Variants in TSBP1 observed in about 807,000 individuals in gnomAD.
The protein encoded by TSBP1 is testis-expressed basic protein 1.
Under a neutral mutation model 68.8 loss-of-function variants are expected in TSBP1, and 56 were observed. The ratio of observed to expected loss-of-function variants is 0.81; its 90% CI spans 0.66 to 1.02. The LOEUF (loss-of-function observed/expected upper bound fraction) is 1.02. Among genes scored for constraint, TSBP1 ranks in the 50% least tolerant of loss-of-function variants. TSBP1 has a pLI of 0.00. For synonymous variants in TSBP1, 171 were observed against 208.7 expected, an observed-to-expected ratio of 0.82 and a Z score of 1.56; for missense variants, 502 against 641.2, an observed-to-expected ratio of 0.78 and a Z score of 2.34.
rs1019968829 is a variant in TSBP1, at chr6:32,368,657, G to A, written c.133+125C>T. 5.0e-6 allele frequency: 5 copies of A among 1,008,156 alleles called. No individual in the cohort carries two copies. In the African/African-American group the frequency reaches 6.3e-5, roughly 13 times the overall value. 62.5% of individuals were successfully genotyped at this position (1,008,156 alleles called of 1,614,324 possible). On this transcript the variant is annotated intron_variant, in intron 3 of 22. Coordinates refer to ENST00000612031, the Ensembl canonical transcript of TSBP1. ...CTCCCACTCACTTAGAAGCAGTTCA[G>A]TTCATGCAATGGTGCACTATGCAAG...
At chr6:32,353,460 C>T (rs1385822937) in intron 8 of TSBP1, among the ~76,000 whole-genome samples, 1 of 151,864 alleles carries the variant, frequency 6.6e-6, no homozygotes, top group Non-Finnish European at 1.5e-5. Context: ...GAATAGTAGG[C>T]AACCATGTTA....
At chr6:32,324,612 G>GCCCA (rs3038472) in intron 16 of TSBP1, 11 of 1,090,338 alleles carry the variant, frequency 1.0e-5, no homozygotes. Flanking sequence ...CTCCACTAGA[G>GCCCA]ACCGAGTCCT....
At position 32,325,146 on chromosome 6, in the gene TSBP1, A is replaced by C; in HGVS notation, c.515-1532T>G. Reference sequence around the variant, plus strand: ...GTGAATGTTCTAGAAACTTATTAATAATTTATTTATGCCTTTCTGCCCATG... The same window carrying C: ...GTGAATGTTCTAGAAACTTATTAATCATTTATTTATGCCTTTCTGCCCATG... On this transcript the variant is annotated intron_variant, in intron 16 of 22. Coordinates refer to ENST00000612031, the Ensembl canonical transcript of TSBP1. The surrounding 1 kb of genome is among the most constrained non-coding windows in gnomAD (Gnocchi z 4.4). 1 of 486,788 alleles carries C rather than the reference A, an allele frequency of 2.1e-6. No individual in the cohort carries two copies. Among genetic ancestry groups the C allele is most frequent in the South Asian group, 4.8e-5 (1 of 20,936 alleles). The allele number at this position is 486,788 out of a possible 1,614,324, so 30.2% of individuals were successfully genotyped here.
chr6:32,351,293 G>C (rs1359634260), intron 8 of TSBP1, among the ~76,000 whole-genome samples: 1 of 152,092 alleles, frequency 6.6e-6, no homozygotes, highest in African/African-American at 2.4e-5. Context: ...GTTCACTTAA[G>C]GTGGACTAAC....
At chr6:32,305,622 A>G (rs907244669) in intron 19 of TSBP1, among the ~76,000 whole-genome samples, 1 of 152,130 alleles carries the variant, frequency 6.6e-6, no homozygotes, top group Non-Finnish European at 1.5e-5. Context: ...CAGCCTCCCA[A>G]GTAGCTGGGA....
rs1769638559 is a variant in TSBP1 at position 32,336,109 on chromosome 6, A to G, written c.431-177T>C. On this transcript the variant is annotated intron_variant, in intron 12 of 22. Transcript: ENST00000612031. This position sits in a 1 kb window ranked among gnomAD's most constrained non-coding sequence, Gnocchi z 5.2. ...GCTCCCTGCACAATATAAGGGACCT[A>G]CAGGAATGGAGGCCTCCTCCTGCTT... 6.6e-6 allele frequency among the ~76,000 whole-genome samples: 1 copy of G among 152,222 alleles called. No homozygotes were observed. Among genetic ancestry groups the G allele is most frequent in the Admixed American group, 6.5e-5 (1 of 15,286 alleles).
chr6:32,307,248 G>C lies in TSBP1; in HGVS notation c.581-4619C>G, dbSNP rs967064422. ...ATTTTGGTTGTATCCTAAGTGTTTT[G>C]ACAAGTAATGATTTTATACTCACTT... On this transcript the variant is annotated intron_variant, in intron 19 of 22. Transcript: ENST00000612031. Among the ~76,000 whole-genome samples the C allele has an allele frequency of 4.6e-5, 7 of 152,032 alleles. No individual in the cohort carries two copies. In the South Asian group the frequency reaches 1.2e-3, roughly 27 times the overall value.
rs1258329026 is a variant in TSBP1 at position 32,337,845 on chromosome 6, CTTGA to C, written c.409+1130_409+1133del. Among the ~76,000 whole-genome samples, 1 of 152,156 alleles carries C rather than the reference CTTGA, an allele frequency of 6.6e-6. No individual in the cohort carries two copies. Among genetic ancestry groups the C allele is most frequent in the African/African-American group, 2.4e-5 (1 of 41,426 alleles). ...CCCAGTATTTGCTCTCAAAGTTTGA[CTTGA>C]TTATTTTAATAATGTTCCATTTGTG... On this transcript the variant is annotated intron_variant, in intron 11 of 22. Coordinates refer to ENST00000612031, the Ensembl canonical transcript of TSBP1. This position sits in a 1 kb window ranked among gnomAD's most constrained non-coding sequence, Gnocchi z 5.5.
chr6:32,366,143 A>G, intron 6 of TSBP1, 24 bp downstream of exon 6: 1 of 1,599,124 alleles, frequency 6.3e-7, no homozygotes, highest in Non-Finnish European at 8.5e-7. Flanking sequence ...CTTTAATTTT[A>G]CAAAAATCTC....
intron 6 of TSBP1, among the ~76,000 whole-genome samples, chr6:32,359,949 G>A (rs990104261): frequency 2.0e-5 from 3 of 151,954 alleles, no homozygotes; most frequent in African/African-American, 7.3e-5. Context: ...ATTACAGTGT[G>A]CGATTCTAAT....
rs533816289 is a variant in TSBP1 at position 32,325,365 on chromosome 6, A to C, written c.515-1751T>G. ...CGGACAGTGTGGTCATGAGAGATCCAAACCCAAGCACTCCAGGGGCTTTGG... is the reference window on the plus strand; with the variant it reads ...CGGACAGTGTGGTCATGAGAGATCCCAACCCAAGCACTCCAGGGGCTTTGG... On this transcript the variant is annotated intron_variant, in intron 16 of 22. Coordinates refer to ENST00000612031, the Ensembl canonical transcript of TSBP1. The surrounding 1 kb of genome is among the most constrained non-coding windows in gnomAD (Gnocchi z 4.4). 2.0e-6 allele frequency: 2 copies of C among 987,520 alleles called. No individual in the cohort carries two copies. The highest frequency in any genetic ancestry group is 3.2e-6 in the Non-Finnish European group (2 of 624,934). The allele number at this position is 987,520 out of a possible 1,614,324, so 61.2% of individuals were successfully genotyped here.
At position 32,304,534 on chromosome 6, in the gene TSBP1, G is replaced by A. The variant is rs41289490; in HGVS notation, c.581-1905C>T. Reference sequence around the variant, plus strand: ...ATATCCAGGCCATTTTGAATGGCACGTATGATGGGTTATATAAGTGAAGGC... The same window carrying A: ...ATATCCAGGCCATTTTGAATGGCACATATGATGGGTTATATAAGTGAAGGC... On this transcript the variant is annotated intron_variant, in intron 19 of 22. Coordinates refer to ENST00000612031, the Ensembl canonical transcript of TSBP1. This position sits in a 1 kb window ranked among gnomAD's most constrained non-coding sequence, Gnocchi z 4.8. 2.2e-4 allele frequency among the ~76,000 whole-genome samples: 34 copies of A among 152,224 alleles called. No individual in the cohort carries two copies. The highest frequency in any genetic ancestry group is 4.4e-4 in the Non-Finnish European group (30 of 68,012).
intron 22 of TSBP1, among the ~76,000 whole-genome samples, chr6:32,296,259 A>T (rs529004548): frequency 2.9e-4 from 44 of 150,296 alleles, no homozygotes; most frequent in African/African-American, 9.7e-4. Context: ...TATCAATTAT[A>T]AAAATGAGGC....
chr6:32,334,704 C>T (rs1769439136), intron 14 of TSBP1, among the ~76,000 whole-genome samples: 1 of 152,130 alleles, frequency 6.6e-6, no homozygotes, highest in Admixed American at 6.5e-5. Context: ...AAAATAGAGC[C>T]TAACTCTTCT....
chr6:32,316,978 G>A lies in TSBP1; in HGVS notation c.560-1186C>T, dbSNP rs1176012901. On this transcript the variant is annotated intron_variant, in intron 18 of 22. Transcript: ENST00000612031. The surrounding 1 kb of genome is among the most constrained non-coding windows in gnomAD (Gnocchi z 4.5). Reference sequence around the variant, plus strand: ...ATTCTGAGTCAGTGTGCCTGAGACTGGCCACTAGGAGAGGAGAGGGTTTTA... The same window carrying A: ...ATTCTGAGTCAGTGTGCCTGAGACTAGCCACTAGGAGAGGAGAGGGTTTTA... Among the ~76,000 whole-genome samples the A allele has an allele frequency of 1.3e-5, 2 of 152,118 alleles. No individual in the cohort carries two copies. The highest frequency in any genetic ancestry group is 2.9e-5 in the Non-Finnish European group (2 of 68,022).
In TSBP1 at chr6:32,321,811, T is replaced by C. The variant is rs1408522335; in HGVS notation, c.559+1306A>G. Among the ~76,000 whole-genome samples the C allele has an allele frequency of 1.3e-5, 2 of 152,244 alleles. No individual in the cohort carries two copies. Among genetic ancestry groups the C allele is most frequent in the Non-Finnish European group, 2.9e-5 (2 of 68,026 alleles). ...GGAGTATGTAAGTATGTTTGCAATC[T>C]GTTAGAGTAACCCAGATGTCTGTCA... On this transcript the variant is annotated intron_variant, in intron 18 of 22. Transcript: ENST00000612031. The surrounding 1 kb of genome is among the most constrained non-coding windows in gnomAD (Gnocchi z 4.3).
intron 21 of TSBP1, among the ~76,000 whole-genome samples, 162 bp from the exon 25 acceptor site, chr6:32,300,098 G>C (rs114482543): frequency 0.046 from 7,008 of 151,108 alleles, 367 homozygotes; most frequent in African/African-American, 0.13. Context: ...GCTCCATATC[G>C]CACTCCACAC....
Position 32,315,725 on chromosome 6 carries a change from C to T in TSBP1, c.580+47G>A. On this transcript the variant is annotated intron_variant, in intron 19 of 22. Coordinates refer to ENST00000612031, the Ensembl canonical transcript of TSBP1. The surrounding 1 kb of genome is among the most constrained non-coding windows in gnomAD (Gnocchi z 5.4). The stretch of plus-strand genomic sequence containing the variant: ...TTTGGATACTTAGAAGTGGAAACAT[C>T]TAACATAAATCTCCACATATGACCA... The T allele has an allele frequency of 7.6e-7, 1 of 1,315,644 alleles. No homozygotes were observed. The highest frequency in any genetic ancestry group is 1.0e-6 in the Non-Finnish European group (1 of 964,340). The allele number at this position is 1,315,644 out of a possible 1,614,324, so 81.5% of individuals were successfully genotyped here.
At chr6:32,358,221 C>G (rs1190483131) in intron 6 of TSBP1, among the ~76,000 whole-genome samples, 1 of 152,132 alleles carries the variant, frequency 6.6e-6, no homozygotes, top group Non-Finnish European at 1.5e-5. Flanking sequence ...CCTTAAATTC[C>G]TAACACTGAG....
Sources: gnomAD v4.1 joint callset for allele counts (sites outside exome capture counted in the v4.1 genomes callset) on GRCh38, gnomAD v4.1.1 for gene constraint, Gnocchi (gnomAD v3.1) non-coding constraint, MANE v1.5 for transcripts, NCBI Gene and HGNC (gene_info 2026-07-23, HGNC 2026-07-21) for gene names.